Variants in TSPAN18 observed in about 807,000 individuals in gnomAD.
The protein encoded by TSPAN18 is tetraspanin 18, also known as tetraspanin-18.
In TSPAN18, 14 loss-of-function variants were observed where a neutral mutation model predicts 27.3. The observed-to-expected ratio is 0.51, with a 90% confidence interval of 0.34 to 0.80. TSPAN18 has a LOEUF of 0.80. Among genes scored for constraint, TSPAN18 ranks in the 30% least tolerant of loss-of-function variants. The pLI is 0.01. For missense variants in TSPAN18, 268 were observed against 323.9 expected, an observed-to-expected ratio of 0.83 and a Z score of 1.32; for synonymous variants, 143 against 136.5, an observed-to-expected ratio of 1.05 and a Z score of -0.33.
At chr11:44,869,057 C>T (rs975215846) in intron 3 of TSPAN18, among the ~76,000 whole-genome samples, 16 of 152,212 alleles carry the variant, frequency 1.1e-4, no homozygotes, top group Admixed American at 5.2e-4. Context: ...GCCCACTAGG[C>T]GTTCCCTTAG....
intron 2 of TSPAN18, among the ~76,000 whole-genome samples, chr11:44,797,032 T>C (rs1290018621): frequency 6.6e-6 from 1 of 152,288 alleles, no homozygotes; most frequent in East Asian, 1.9e-4. Flanking sequence ...CCTGAAATCC[T>C]ACCTGTGGAG....
chr11:44,755,192 A>G (rs906760694), intron 1 of TSPAN18, among the ~76,000 whole-genome samples: 5 of 151,752 alleles, frequency 3.3e-5, no homozygotes, highest in Middle Eastern at 3.2e-3. Flanking sequence ...CGGAAGGCCC[A>G]TGCTTCTGGG....
At chr11:44,821,185 C>T (rs974680549) in intron 2 of TSPAN18, among the ~76,000 whole-genome samples, 3 of 152,124 alleles carry the variant, frequency 2.0e-5, no homozygotes, top group East Asian at 1.9e-4. Flanking sequence ...TCACAGACAT[C>T]GAACATTGCA....
intron 3 of TSPAN18, among the ~76,000 whole-genome samples, chr11:44,861,991 G>C (rs892580471): frequency 1.3e-5 from 2 of 152,026 alleles, no homozygotes; most frequent in Non-Finnish European, 2.9e-5. Context: ...ACCTCCACTC[G>C]CCGGGAAGGC....
intron 2 of TSPAN18, among the ~76,000 whole-genome samples, chr11:44,769,134 A>G (rs1031195853): frequency 1.3e-5 from 2 of 152,098 alleles, no homozygotes; most frequent in Admixed American, 1.3e-4. Flanking sequence ...TGACCTCGTG[A>G]TCCACCTGCC....
chr11:44,733,898 G>A (rs1854724764), intron 1 of TSPAN18, among the ~76,000 whole-genome samples: 1 of 152,052 alleles, frequency 6.6e-6, no homozygotes, highest in Admixed American at 6.6e-5. Context: ...GCTATAGTTT[G>A]GTTTGTTTGA....
intron 5 of TSPAN18, among the ~76,000 whole-genome samples, chr11:44,914,863 G>A (rs112394050): frequency 1.4e-3 from 215 of 152,170 alleles, no homozygotes; most frequent in African/African-American, 4.9e-3. Flanking sequence ...TTCCAGAGCC[G>A]CCCACACCAG....
rs183473971 is a variant in TSPAN18, at chr11:44,927,987, G to A, written c.700-1144G>A. Among the ~76,000 whole-genome samples, 41 of 152,326 alleles carry A rather than the reference G, an allele frequency of 2.7e-4. 1 individual carries two copies. Among genetic ancestry groups the A allele is most frequent in the Non-Finnish European group, 2.9e-5 (2 of 68,020 alleles). On this transcript the variant is annotated intron_variant, in intron 9 of 9. Coordinates refer to ENST00000520358, the MANE Select transcript of TSPAN18 (RefSeq NM_130783.5). ...ATGAGCCTGGCTGGCCAGCCCCATG[G>A]GAGGCAGAATCCTGCTCAAGACGGA...
chr11:44,729,239 C>T (rs1264788499), intron 1 of TSPAN18, among the ~76,000 whole-genome samples: 2 of 152,138 alleles, frequency 1.3e-5, no homozygotes, highest in African/African-American at 2.4e-5. Flanking sequence ...TAAGACATTC[C>T]AGGGGGCTGG....
chr11:44,771,783 G>A (rs565441271), intron 2 of TSPAN18, among the ~76,000 whole-genome samples: 130 of 152,332 alleles, frequency 8.5e-4, no homozygotes, highest in African/African-American at 3.1e-3. Flanking sequence ...GATGTGCATA[G>A]GTTATAAGCA....
At chr11:44,897,859 C>T in intron 3 of TSPAN18, 1 of 1,289,410 alleles carries the variant, frequency 7.8e-7, no homozygotes. Flanking sequence ...TCTCCCTTCT[C>T]AGTGTACCTC....
intron 2 of TSPAN18, among the ~76,000 whole-genome samples, chr11:44,820,742 G>A (rs1216969267): frequency 2.6e-5 from 4 of 152,030 alleles, no homozygotes; most frequent in Non-Finnish European, 4.4e-5. Context: ...GCTCATGGGG[G>A]TGGATCCTTT....
At chr11:44,886,742 A>T (rs1324060184) in intron 3 of TSPAN18, among the ~76,000 whole-genome samples, 1 of 152,224 alleles carries the variant, frequency 6.6e-6, no homozygotes, top group Non-Finnish European at 1.5e-5. Flanking sequence ...GGCTGTTGAG[A>T]AACAGTCTTG....
intron 3 of TSPAN18, among the ~76,000 whole-genome samples, chr11:44,868,131 C>A (rs553904013): frequency 6.6e-6 from 1 of 152,204 alleles, no homozygotes; most frequent in South Asian, 2.1e-4. Flanking sequence ...GCGTGGATAC[C>A]CGGGTCATGC....
intron 2 of TSPAN18, among the ~76,000 whole-genome samples, chr11:44,834,459 T>G (rs1000495621): frequency 6.6e-6 from 1 of 151,828 alleles, no homozygotes; most frequent in African/African-American, 2.4e-5. Flanking sequence ...GGTTGTGAAG[T>G]TGGCAAATGA....
At chr11:44,841,409 G>T (rs184963782) in intron 2 of TSPAN18, among the ~76,000 whole-genome samples, 14 of 152,082 alleles carry the variant, frequency 9.2e-5, no homozygotes, top group African/African-American at 3.4e-4. Context: ...CCAAGCTATC[G>T]GGAGGCTGAG....
intron 4 of TSPAN18, 124 bp from the exon 5 acceptor site, chr11:44,909,581 G>A (rs1487809053): frequency 5.2e-6 from 5 of 968,924 alleles, no homozygotes; most frequent in Non-Finnish European, 7.6e-6. Flanking sequence ...GTGAATTCCT[G>A]CCTGGCTCAC....
chr11:44,799,690 G>A (rs750158309), intron 2 of TSPAN18, among the ~76,000 whole-genome samples: 55 of 152,276 alleles, frequency 3.6e-4, no homozygotes, highest in Middle Eastern at 3.4e-3. Flanking sequence ...CCCTTTCTAC[G>A]AAAGAGGAAA....
At chr11:44,793,633 T>G (rs867779908) in intron 2 of TSPAN18, among the ~76,000 whole-genome samples, 4 of 152,192 alleles carry the variant, frequency 2.6e-5, no homozygotes, top group African/African-American at 4.8e-5. Flanking sequence ...AGTCACCACG[T>G]TACCCTGGTG....
Sources: gnomAD v4.1 joint callset for allele counts (sites outside exome capture counted in the v4.1 genomes callset) on GRCh38, gnomAD v4.1.1 for gene constraint, MANE v1.5 for transcripts, NCBI Gene and HGNC (gene_info 2026-07-23, HGNC 2026-07-21) for gene names.